Variants in FAM107B observed in about 807,000 individuals in gnomAD.
FAM107B encodes the protein family with sequence similarity 107 member B, also known as protein FAM107B.
In FAM107B, 21 loss-of-function variants were observed where a neutral mutation model predicts 31.5. The observed-to-expected ratio is 0.67, with a 90% CI of 0.47 to 0.96. The LOEUF (loss-of-function observed/expected upper bound fraction) is 0.96. Among genes scored for constraint, FAM107B ranks in the 40% least tolerant of loss-of-function variants. The pLI is 0.00. For missense variants in FAM107B, 452 were observed against 377.1 expected, an observed-to-expected ratio of 1.20 and a Z score of -1.64; for synonymous variants, 157 against 141.5, an observed-to-expected ratio of 1.11 and a Z score of -0.78.
intron 1 of FAM107B, among the ~76,000 whole-genome samples, chr10:14,736,026 T>A (rs1856291998): frequency 6.6e-6 from 1 of 152,064 alleles, no homozygotes; most frequent in South Asian, 2.1e-4. Flanking sequence ...TTATGTATGG[T>A]GCCTGGGAAA....
At chr10:14,748,934 C>T (rs549303406) in intron 1 of FAM107B, among the ~76,000 whole-genome samples, 5 of 152,362 alleles carry the variant, frequency 3.3e-5, no homozygotes, top group Admixed American at 2.6e-4. Context: ...CTTGCTTAAG[C>T]GCCCACTGGC....
chr10:14,550,718 T>C (rs1260049326), intron 2 of FAM107B, among the ~76,000 whole-genome samples: 1 of 152,246 alleles, frequency 6.6e-6, no homozygotes, highest in East Asian at 1.9e-4. Context: ...CCCAGCATCC[T>C]ATCAGCTTTG....
chr10:14,730,091 A>C (rs1489261519), intron 1 of FAM107B, among the ~76,000 whole-genome samples: 1 of 152,192 alleles, frequency 6.6e-6, no homozygotes, highest in East Asian at 1.9e-4. Flanking sequence ...TAATGTATGC[A>C]GGGCTTGAAA....
At chr10:14,698,514 T>C (rs183565996) in intron 1 of FAM107B, among the ~76,000 whole-genome samples, 146 of 152,372 alleles carry the variant, frequency 9.6e-4, no homozygotes, top group Non-Finnish European at 9.7e-4. Flanking sequence ...ACATCATCAT[T>C]TGATGATCAC....
At chr10:14,739,642 C>A (rs2768704) in intron 1 of FAM107B, among the ~76,000 whole-genome samples, 1 of 149,164 alleles carries the variant, frequency 6.7e-6, no homozygotes, top group Admixed American at 6.6e-5. Flanking sequence ...AATGAATGAG[C>A]GAATAAAGGG....
At chr10:14,625,417 CA>C (rs1404746498) in intron 2 of FAM107B, among the ~76,000 whole-genome samples, 1 of 152,036 alleles carries the variant, frequency 6.6e-6, no homozygotes, top group Non-Finnish European at 1.5e-5. Flanking sequence ...CTCTCCAGAA[CA>C]ATGAGCAGAG....
chr10:14,541,930 G>A (rs543063903), intron 2 of FAM107B, among the ~76,000 whole-genome samples: 33 of 152,092 alleles, frequency 2.2e-4, no homozygotes, highest in Non-Finnish European at 3.8e-4. Context: ...CCAGCCCTGG[G>A]CTGTATGTCA....
Position 14,583,838 on chromosome 10 carries a change from G to C in FAM107B, c.470-53323C>G, listed in dbSNP as rs571147484. Among the ~76,000 whole-genome samples, 4 of 152,246 alleles carry C rather than the reference G, an allele frequency of 2.6e-5. No homozygotes were observed. In the South Asian group the frequency reaches 8.3e-4, roughly 32 times the overall value. ...GCGAACCCTGTTGAGCGCTCTCCTA[G>C]ACCCAAGGCCACCCCTCAGGATCCA... On this transcript the variant is annotated intron_variant, in intron 2 of 4. Transcript: ENST00000181796.
intron 1 of FAM107B, among the ~76,000 whole-genome samples, chr10:14,763,057 G>A (rs146296920): frequency 4.6e-5 from 7 of 152,216 alleles, no homozygotes; most frequent in East Asian, 1.9e-4. Context: ...GAGATCAGGC[G>A]TTCAAGACCA....
chr10:14,617,819 T>C (rs978033265), intron 2 of FAM107B, among the ~76,000 whole-genome samples: 5 of 148,758 alleles, frequency 3.4e-5, no homozygotes, highest in African/African-American at 1.2e-4. Context: ...CTAATTACCA[T>C]GGTGGCGCAT....
intron 1 of FAM107B, among the ~76,000 whole-genome samples, chr10:14,671,414 T>C (rs1854537999): frequency 1.3e-5 from 2 of 152,158 alleles, no homozygotes; most frequent in South Asian, 4.1e-4. Flanking sequence ...GAGTCCCTGC[T>C]ACAACCCTTC....
At chr10:14,737,303 GA>G (rs1564280810) in intron 1 of FAM107B, among the ~76,000 whole-genome samples, 1 of 151,674 alleles carries the variant, frequency 6.6e-6, no homozygotes, top group Non-Finnish European at 1.5e-5. Context: ...GAGAAGAAGG[GA>G]AAAAAGCATT....
intron 1 of FAM107B, among the ~76,000 whole-genome samples, chr10:14,668,833 T>C (rs1305812494): frequency 6.6e-6 from 1 of 152,146 alleles, no homozygotes. Flanking sequence ...GTGCTTACTT[T>C]GTTCTTTCTA....
At chr10:14,769,542 G>A (rs975675985) in intron 1 of FAM107B, among the ~76,000 whole-genome samples, 20 of 152,074 alleles carry the variant, frequency 1.3e-4, no homozygotes, top group African/African-American at 3.4e-4. Context: ...CCGCCACCAC[G>A]ACCAGCTAAT....
At chr10:14,570,083 T>C (rs1268124762) in intron 2 of FAM107B, among the ~76,000 whole-genome samples, 1 of 152,236 alleles carries the variant, frequency 6.6e-6, no homozygotes, top group African/African-American at 2.4e-5. Flanking sequence ...TACTTAGGAT[T>C]GCATTTATCA....
rs140560616 is a variant in FAM107B at position 14,549,960 on chromosome 10, C to T, written c.470-19445G>A. 4.1e-3 allele frequency among the ~76,000 whole-genome samples: 619 copies of T among 152,274 alleles called. 4 individuals are homozygous for T. The highest frequency in any genetic ancestry group is 0.014 in the African/African-American group (587 of 41,546). ...AGCTCACTGGTAAATACCCAGACAT[C>T]GGGTGCCACATGTCTATAGAGCATA... On this transcript the variant is annotated intron_variant, in intron 2 of 4. Coordinates refer to ENST00000181796, the MANE Select transcript of FAM107B (RefSeq NM_031453.4).
At chr10:14,727,864 G>A (rs1326996816) in intron 1 of FAM107B, among the ~76,000 whole-genome samples, 7 of 152,190 alleles carry the variant, frequency 4.6e-5, no homozygotes, top group Non-Finnish European at 1.0e-4. Flanking sequence ...CAGGGAGTTT[G>A]AGGCAAATAG....
rs77107266 is a variant in FAM107B, at chr10:14,595,110, G to T, written c.470-64595C>A. On this transcript the variant is annotated intron_variant, in intron 2 of 4. Transcript: ENST00000181796. ...GATTAACTAAGACTGGGGGTGGGAGGGGGAACTGACTGCAAAGTCTAAAAA... is the reference window on the plus strand; with the variant it reads ...GATTAACTAAGACTGGGGGTGGGAGTGGGAACTGACTGCAAAGTCTAAAAA... Among the ~76,000 whole-genome samples, 1,186 of 152,052 alleles carry T rather than the reference G, an allele frequency of 7.8e-3. 21 individuals are homozygous for T. Among genetic ancestry groups the T allele is most frequent in the African/African-American group, 0.027 (1,103 of 41,476 alleles).
chr10:14,533,505 C>A (rs897773876), intron 2 of FAM107B, among the ~76,000 whole-genome samples: 1 of 152,174 alleles, frequency 6.6e-6, no homozygotes. Flanking sequence ...AGCGCTCAAG[C>A]CTGGGTGACT....
Sources: gnomAD v4.1 joint callset for allele counts (sites outside exome capture counted in the v4.1 genomes callset) on GRCh38, gnomAD v4.1.1 for gene constraint, MANE v1.5 for transcripts, NCBI Gene and HGNC (gene_info 2026-07-23, HGNC 2026-07-21) for gene names.